DHX8: variants seen among roughly 807,000 people sequenced by gnomAD.
DHX8 encodes DEAH-box helicase 8.
In DHX8, 67 loss-of-function variants were observed where a neutral mutation model predicts 140.7. The ratio of observed to expected loss-of-function variants is 0.48; its 90% CI spans 0.39 to 0.58. The LOEUF (loss-of-function observed/expected upper bound fraction) is 0.58. Among genes scored for constraint, DHX8 ranks in the 20% least tolerant of loss-of-function variants. The probability of loss-of-function intolerance (pLI) is 0.00; values close to 1 mark genes in which losing one functional copy is unlikely to be tolerated. For synonymous variants in DHX8, 533 were observed against 553.2 expected (o/e 0.96, Z 0.51); for missense variants, 887 against 1,550.7 (o/e 0.57, Z 7.19).
chr17:43,500,920 T>A (rs1409314371), intron 11 of DHX8, among the ~76,000 whole-genome samples: 2 of 151,520 alleles, frequency 1.3e-5, no homozygotes, highest in Non-Finnish European at 2.9e-5. Context: ...AAAAAAAAAA[T>A]TTTTATTCTA....
chr17:43,488,631 C>T (rs1968321331), intron 1 of DHX8, among the ~76,000 whole-genome samples: 1 of 150,446 alleles, frequency 6.6e-6, no homozygotes, highest in South Asian at 2.1e-4. Flanking sequence ...AAAAGAAGAA[C>T]TAGGCAGGTT....
rs182402380 is a variant in DHX8, at chr17:43,521,488, C to A, written c.3186C>A (p.Cys1062Ter). The change falls in exon 21 of 23, where the codon TGC becomes TGA. Residue 1062 changes from cysteine to a stop codon, truncating the protein, a stop_gained. Transcript: ENST00000262415. LOFTEE classifies it high-confidence loss of function. ...ACAACAAGTTCTCCAACCCATGGTG[C>A]TATGAGAACTTTATCCAGGCTCGTT... ...WKNNKFSNPW[C>*]YENFIQARSL... The A allele has an allele frequency of 1.9e-6, 3 of 1,613,920 alleles. No homozygotes were observed. The highest frequency in any genetic ancestry group is 2.5e-6 in the Non-Finnish European group (3 of 1,179,992).
intron 1 of DHX8, among the ~76,000 whole-genome samples, chr17:43,487,428 A>G (rs1365989536): frequency 2.0e-5 from 3 of 152,168 alleles, no homozygotes; most frequent in African/African-American, 7.2e-5. Flanking sequence ...AAAGCATTAC[A>G]GTTTTTTTGT....
At chr17:43,501,357 A>C (rs759005448) in intron 11 of DHX8, among the ~76,000 whole-genome samples, 1 of 152,114 alleles carries the variant, frequency 6.6e-6, no homozygotes, top group Non-Finnish European at 1.5e-5. Flanking sequence ...GTGTGGATGG[A>C]ATAGAGAGAG....
At chr17:43,526,588 T>C (rs1161914882), downstream of DHX8, 4 of 1,535,622 alleles carry the variant, frequency 2.6e-6, no homozygotes, top group Non-Finnish European at 3.5e-6. Flanking sequence ...CTGGGACTGG[T>C]GACTTGTTAA....
At chr17:43,533,781 C>G in intron 2 of DHX8, 1 of 1,555,766 alleles carries the variant, frequency 6.4e-7, no homozygotes, top group Non-Finnish European at 8.7e-7. Context: ...CAGCTGCTGC[C>G]TCTGCTCATG....
chr17:43,519,950 C>T (rs753098349), intron 18 of DHX8, 180 bp from the exon 19 acceptor site: 11 of 604,286 alleles, frequency 1.8e-5, no homozygotes, highest in Non-Finnish European at 2.6e-5. Flanking sequence ...CAAGTATGTG[C>T]TTTCTATTAT....
At position 43,493,712 on chromosome 17, in the gene DHX8, A is replaced by G. The variant is rs529814588; in HGVS notation, c.1038A>G (p.Leu346=). 1.1e-4 allele frequency: 178 copies of G among 1,614,254 alleles called. 3 individuals carry two copies. In the South Asian group the frequency reaches 1.9e-3, roughly 17 times the overall value. The change falls in exon 8 of 23, where the codon CTA becomes CTG. Residue 346 remains leucine (L), a synonymous_variant. Coordinates refer to ENST00000262415, the MANE Select transcript of DHX8 (RefSeq NM_004941.3). ...TGGATCAAGAGACTGGAGAAGATCT[A>G]AACCCAAATAGACGGCGAAATCTTG... ...KDVDQETGED[L]NPNRRRNLVG... is the part of the protein sequence containing the mutation.
intron 13 of DHX8, 67 bp downstream of exon 13, chr17:43,507,264 AT>A: frequency 6.7e-7 from 1 of 1,489,250 alleles, no homozygotes; most frequent in East Asian, 2.3e-5. Context: ...AATCTATCAA[AT>A]GGAAATATTA....
At chr17:43,511,131 A>C (rs1598160551) in intron 16 of DHX8, among the ~76,000 whole-genome samples, 1 of 152,082 alleles carries the variant, frequency 6.6e-6, no homozygotes, top group African/African-American at 2.4e-5. Flanking sequence ...GGAGTTCAAG[A>C]CCAGCCTGGC....
rs999245205 is a variant in DHX8 at position 43,492,784 on chromosome 17, C to G, written c.607C>G (p.Arg203Gly). 6.2e-7 allele frequency: 1 copy of G among 1,613,912 alleles called. No homozygotes were observed. The highest frequency in any genetic ancestry group is 1.3e-5 in the African/African-American group (1 of 74,864). The part of the protein sequence containing the change: ...NRDRDHKRRH[R>G]SRSRSRSRTR... Reference sequence around the variant, plus strand: ...AGATAGAGACCACAAGCGGAGACACCGATCCCGCTCTCGATCACGTTCCAG... The same window carrying G: ...AGATAGAGACCACAAGCGGAGACACGGATCCCGCTCTCGATCACGTTCCAG... The change falls in exon 6 of 23, where the codon CGA (arginine) becomes GGA (glycine). Residue 203 changes from arginine to glycine, a missense_variant. Physicochemically the swap from Arg to Gly is moderately radical, Grantham distance 125. Coordinates refer to ENST00000262415, the MANE Select transcript of DHX8 (RefSeq NM_004941.3).
downstream of DHX8, chr17:43,525,911 A>G: frequency 1.0e-6 from 1 of 985,400 alleles, no homozygotes; most frequent in Non-Finnish European, 1.2e-6. Flanking sequence ...GAGGTTGAAA[A>G]GGGATGTTGA....
intron 16 of DHX8, among the ~76,000 whole-genome samples, chr17:43,512,705 G>A (rs542506001): frequency 1.3e-5 from 2 of 152,252 alleles, no homozygotes; most frequent in South Asian, 4.1e-4. Context: ...GTGATATTCC[G>A]GTGCCCCCAG....
chr17:43,493,837 G>T lies in DHX8; in HGVS notation c.1163G>T (p.Arg388Leu). The change falls in exon 8 of 23, where the codon CGC (arginine) becomes CTC (leucine). Residue 388 changes from arginine to leucine, a missense_variant. Arg to Leu is a moderately radical substitution (Grantham distance 102). This residue lies in a region of DHX8 where 98 missense variants were observed against 152.7 expected (regional missense o/e 0.64). Transcript: ENST00000262415. Reference sequence around the variant, plus strand: ...GAAGTAGAGGACGACTCACTGGAACGCAAGCGCCTCACCCGAATCTCTGAC... The same window carrying T: ...GAAGTAGAGGACGACTCACTGGAACTCAAGCGCCTCACCCGAATCTCTGAC... ...APEVEDDSLE[R>L]KRLTRISDPE... 6.2e-7 allele frequency: 1 copy of T among 1,614,210 alleles called. No homozygotes were observed. The highest frequency in any genetic ancestry group is 1.6e-4 in the Middle Eastern group (1 of 6,062).
chr17:43,492,639 G>A (rs752637914), intron 5 of DHX8, 42 bp from the exon 6 acceptor site: 19 of 1,204,442 alleles, frequency 1.6e-5, no homozygotes, highest in East Asian at 2.4e-5. Flanking sequence ...AGATGAAATC[G>A]GATTGGTTTC....
chr17:43,519,521 T>TG (rs1174674855), intron 18 of DHX8: 3 of 4,698 alleles, frequency 6.4e-4, no homozygotes, highest in Non-Finnish European at 1.8e-3. Context: ...TAGGGTTTTT[T>TG]GTTTTTTTTT....
downstream of DHX8, chr17:43,526,266 CAG>C: frequency 7.6e-7 from 1 of 1,320,934 alleles, no homozygotes; most frequent in South Asian, 1.8e-5. Flanking sequence ...GGGTCTCATG[CAG>C]AGAGCTGGGA....
chr17:43,521,394 A>G lies in DHX8; in HGVS notation c.3092A>G (p.Lys1031Arg), dbSNP rs764428252. ...GATAAACAAGCCCTTGCAGATCAGA[A>G]GAAGGCCAAATTCCACCAGACTGAA... ...PKDKQALADQ[K>R]KAKFHQTEGD... The change falls in exon 21 of 23, where the codon AAG becomes AGG. Residue 1031 changes from lysine (K) to arginine (R), a missense_variant. Physicochemically the swap from Lys to Arg is conservative, Grantham distance 26. Coordinates refer to ENST00000262415, the MANE Select transcript of DHX8 (RefSeq NM_004941.3). 2 of 1,613,586 alleles carry G rather than the reference A, an allele frequency of 1.2e-6. No homozygotes were observed. Among genetic ancestry groups the G allele is most frequent in the Admixed American group, 3.3e-5 (2 of 59,890 alleles).
intron 11 of DHX8, among the ~76,000 whole-genome samples, chr17:43,502,309 T>C (rs929555231): frequency 6.6e-6 from 1 of 152,196 alleles, no homozygotes; most frequent in African/African-American, 2.4e-5. Context: ...TCCCAACACT[T>C]TGGGAGGCCG....
Sources: gnomAD v4.1 joint callset for allele counts (sites outside exome capture counted in the v4.1 genomes callset) on GRCh38, gnomAD v4.1.1 for gene constraint, gnomAD v4.1.1 regional missense constraint, MANE v1.5 for transcripts, NCBI Gene and HGNC (gene_info 2026-07-23, HGNC 2026-07-21) for gene names.